The following ZNF391 variants were observed in gnomAD, a reference collection of about 807,000 sequenced individuals.
ZNF391 encodes zinc finger protein 391.
For missense variants in ZNF391, 375 were observed against 425.5 expected, an observed-to-expected ratio of 0.88 and a Z score of 1.04; for synonymous variants, 126 against 142.1, an observed-to-expected ratio of 0.89 and a Z score of 0.80.
chr6:27,396,761 A>AT (rs557259035), intron 1 of ZNF391, among the ~76,000 whole-genome samples: 91 of 152,262 alleles, frequency 6.0e-4, no homozygotes, highest in Admixed American at 2.0e-3. Flanking sequence ...TATTTCCTTG[A>AT]TTTTCCAATA....
At chr6:27,381,580 G>T (rs1403459441) in intron 1 of ZNF391, among the ~76,000 whole-genome samples, 1 of 152,204 alleles carries the variant, frequency 6.6e-6, no homozygotes, top group African/African-American at 2.4e-5. Flanking sequence ...CGCCGAGAGC[G>T]AGCGAGGGCT....
At chr6:27,388,676 T>A (rs115778145), upstream of ZNF391, 380 of 314,684 alleles carry the variant, frequency 1.2e-3, no homozygotes, top group African/African-American at 7.7e-3. Context: ...TCCACGAAAG[T>A]GAATCCCAGC....
rs1011140463 is a variant in ZNF391 at position 27,382,310 on chromosome 6, C to T, written n.523+7173C>T. On this transcript the variant is annotated intron_variant and non_coding_transcript_variant, in intron 1 of 2. Coordinates refer to the ZNF391 transcript ENST00000477999. ...CGGAGGTTGCAGTGAGCTGAGACAG[C>T]GCCATTGCACTCCAGCCTGGGCAAC... 6.6e-5 allele frequency among the ~76,000 whole-genome samples: 10 copies of T among 150,780 alleles called. No homozygotes were observed. In the East Asian group the frequency reaches 7.9e-4, roughly 12 times the overall value.
chr6:27,383,258 G>C (rs915039123), intron 1 of ZNF391, among the ~76,000 whole-genome samples: 2 of 151,704 alleles, frequency 1.3e-5, no homozygotes, highest in African/African-American at 4.8e-5. Context: ...GACACCGAGA[G>C]AGACAAAGAC....
rs1240482005 is a variant in ZNF391 at position 27,376,473 on chromosome 6, T to C, written n.523+1336T>C. 6.6e-6 allele frequency among the ~76,000 whole-genome samples: 1 copy of C among 152,244 alleles called. No homozygotes were observed. Among genetic ancestry groups the C allele is most frequent in the African/African-American group, 2.4e-5 (1 of 41,466 alleles). Reference sequence around the variant, plus strand: ...ATTCCCAGTTCAGTCTTTTTCCTTATACTACCTCACTGTGGTATTTTTTGG... The same window carrying C: ...ATTCCCAGTTCAGTCTTTTTCCTTACACTACCTCACTGTGGTATTTTTTGG... On this transcript the variant is annotated intron_variant and non_coding_transcript_variant, in intron 1 of 2. Coordinates refer to the ZNF391 transcript ENST00000477999. The surrounding 1 kb of genome is among the most constrained non-coding windows in gnomAD (Gnocchi z 4.7).
intron 1 of ZNF391, among the ~76,000 whole-genome samples, chr6:27,380,435 C>CT (rs1761480495): frequency 1.3e-5 from 2 of 151,798 alleles, no homozygotes; most frequent in Non-Finnish European, 2.9e-5. Context: ...GTCTCGCTGG[C>CT]TTCAAGAGTG....
chr6:27,384,045 ACT>A (rs1382454830), upstream of ZNF391, among the ~76,000 whole-genome samples: 1 of 152,126 alleles, frequency 6.6e-6, no homozygotes, highest in Non-Finnish European at 1.5e-5. Context: ...AAAAATAAAG[ACT>A]CTCTCAGAGA....
chr6:27,389,813 C>A (rs538130069), intron 1 of ZNF391, among the ~76,000 whole-genome samples: 1 of 81,420 alleles, frequency 1.2e-5, no homozygotes, highest in Non-Finnish European at 2.9e-5. Context: ...CCCCTCCCCC[C>A]CAAAAAAGAG....
In ZNF391 at chr6:27,379,864, G is replaced by C. The variant is rs561310092; in HGVS notation, n.523+4727G>C. On this transcript the variant is annotated intron_variant and non_coding_transcript_variant, in intron 1 of 2. Transcript: ENST00000477999. Reference sequence around the variant, plus strand: ...AAATACCCAACTTCAGTCATCTCTAGCCTCCCACATGGAAGAAAGGAAATA... The same window carrying C: ...AAATACCCAACTTCAGTCATCTCTACCCTCCCACATGGAAGAAAGGAAATA... Among the ~76,000 whole-genome samples, 8 of 152,134 alleles carry C rather than the reference G, an allele frequency of 5.3e-5. No homozygotes were observed. In the South Asian group the frequency reaches 1.7e-3, roughly 32 times the overall value.
chr6:27,389,586 C>T (rs781105603), intron 1 of ZNF391: 13 of 382,624 alleles, frequency 3.4e-5, no homozygotes, highest in Non-Finnish European at 5.5e-5. Flanking sequence ...CCAAGGCGGG[C>T]GGATCACCTG....
At chr6:27,397,918 C>CT (rs1761864654) in intron 1 of ZNF391, among the ~76,000 whole-genome samples, 1 of 152,230 alleles carries the variant, frequency 6.6e-6, no homozygotes, top group Non-Finnish European at 1.5e-5. Context: ...GCATGAGCCA[C>CT]TGCGCCCTCC....
chr6:27,397,362 T>G (rs1581535522), intron 1 of ZNF391, among the ~76,000 whole-genome samples: 1 of 152,148 alleles, frequency 6.6e-6, no homozygotes, highest in African/African-American at 2.4e-5. Context: ...AGGATGCTGC[T>G]AAACCAATCA....
At chr6:27,382,312 C>T (rs1761522902) in intron 1 of ZNF391, among the ~76,000 whole-genome samples, 2 of 152,082 alleles carry the variant, frequency 1.3e-5, no homozygotes, top group Non-Finnish European at 2.9e-5. Flanking sequence ...TGAGACAGCG[C>T]CATTGCACTC....
chr6:27,381,815 C>T (rs1356593835), intron 1 of ZNF391, among the ~76,000 whole-genome samples: 1 of 152,128 alleles, frequency 6.6e-6, no homozygotes, highest in Admixed American at 6.5e-5. Context: ...GGCAGATCAC[C>T]TGAGGTCAGA....
intron 1 of ZNF391, 144 bp downstream of exon 1, chr6:27,389,219 C>T (rs1483973561): frequency 2.2e-6 from 1 of 456,460 alleles, no homozygotes; most frequent in Non-Finnish European, 4.4e-6. Context: ...GTCATGAAGC[C>T]CCCAGCGCTC....
chr6:27,401,358 G>A lies in ZNF391; in HGVS notation c.988G>A (p.Glu330Lys). 22 of 1,614,064 alleles carry A rather than the reference G, an allele frequency of 1.4e-5. No homozygotes were observed. The highest frequency in any genetic ancestry group is 1.9e-5 in the Non-Finnish European group (22 of 1,180,028). The change falls in exon 3 of 3, where the codon GAG (glutamate) becomes AAG (lysine). Residue 330 changes from glutamate (E) to lysine (K), a missense_variant. By Grantham distance (56) the Glu-to-Lys change is moderately conservative (BLOSUM62 1). Coordinates refer to ENST00000244576, the MANE Select transcript of ZNF391 (RefSeq NM_001076781.3). ...TATTCATCAGAGAACTCATACCGGGGAGAAGCCGTACAAATGTAATGACTG... is the reference window on the plus strand; with the variant it reads ...TATTCATCAGAGAACTCATACCGGGAAGAAGCCGTACAAATGTAATGACTG... ...LIIHQRTHTG[E>K]KPYKCNDCGK...
chr6:27,382,844 G>A (rs1013543083), intron 1 of ZNF391, among the ~76,000 whole-genome samples: 1 of 152,190 alleles, frequency 6.6e-6, no homozygotes, highest in Non-Finnish European at 1.5e-5. Context: ...AGCAGGCTGA[G>A]CACGGTGGCT....
At chr6:27,378,930 TA>T (rs33923217) in intron 1 of ZNF391, among the ~76,000 whole-genome samples, 109,483 of 147,684 alleles carry the variant, frequency 0.74, 40,390 homozygotes, top group Middle Eastern at 0.82. Context: ...ACTCTGTCTC[TA>T]AAAAAAAAAA....
rs1761945892 is a variant in ZNF391, at chr6:27,400,983, A to G, written c.613A>G (p.Ser205Gly). ...TGAATGTGGAAAAGCCTTTAGCCGA[A>G]GCACTAACCTTAGTCAGCATCAGCG... Reference protein sequence around the residue: ...CSECGKAFSRSTNLSQHQRTH... With the variant: ...CSECGKAFSRGTNLSQHQRTH... The change falls in exon 3 of 3, where the codon AGC becomes GGC. Residue 205 changes from serine (S) to glycine (G), a missense_variant. Coordinates refer to ENST00000244576, the MANE Select transcript of ZNF391 (RefSeq NM_001076781.3). 1 of 1,614,146 alleles carries G rather than the reference A, an allele frequency of 6.2e-7. No homozygotes were observed. Among genetic ancestry groups the G allele is most frequent in the African/African-American group, 1.3e-5 (1 of 74,956 alleles).
Sources: gnomAD v4.1 joint callset for allele counts (sites outside exome capture counted in the v4.1 genomes callset) on GRCh38, gnomAD v4.1.1 for gene constraint, Gnocchi (gnomAD v3.1) non-coding constraint, MANE v1.5 for transcripts, NCBI Gene and HGNC (gene_info 2026-07-23, HGNC 2026-07-21) for gene names.